CDH17: variants seen among roughly 807,000 people sequenced by gnomAD.
CDH17 encodes the protein cadherin 17, also known as cadherin-17.
Under a neutral mutation model 86.3 loss-of-function variants are expected in CDH17, and 67 were observed. The observed-to-expected ratio is 0.78, with a 90% CI of 0.64 to 0.95. The LOEUF is 0.95. CDH17 is among the 40% of genes least tolerant of loss of function. The pLI is 0.00. For missense variants in CDH17, 993 were observed against 1,017.6 expected, an observed-to-expected ratio of 0.98 and a Z score of 0.33; for synonymous variants, 367 against 366.4, an observed-to-expected ratio of 1.00 and a Z score of -0.02.
chr8:94,143,678 C>T (rs995213086), intron 15 of CDH17, among the ~76,000 whole-genome samples: 2 of 152,206 alleles, frequency 1.3e-5, no homozygotes, highest in East Asian at 1.9e-4. Context: ...CAATTTGCTG[C>T]ATCACTTTGC....
intron 15 of CDH17, among the ~76,000 whole-genome samples, chr8:94,142,766 A>AT (rs530279186): frequency 2.1e-3 from 321 of 152,290 alleles, no homozygotes; most frequent in Middle Eastern, 0.021. Flanking sequence ...AACAAAACAC[A>AT]TTGTTCAGTT....
In CDH17 at chr8:94,194,874, T is replaced by C. The variant is rs1813752954; in HGVS notation, c.-20-169A>G. On this transcript the variant is annotated intron_variant, in intron 1 of 17. Transcript: ENST00000027335. ...GCAGCCCAGTCTTCCAGAAGCTTCA[T>C]GCACATCATCCATAGCAATATGCAA... Among the ~76,000 whole-genome samples, 6 of 152,360 alleles carry C rather than the reference T, an allele frequency of 3.9e-5. No individual in the cohort carries two copies. The South Asian group carries it at 1.2e-3, about 32-fold the overall frequency.
At chr8:94,168,127 T>TACAC (rs1813196667) in intron 9 of CDH17, among the ~76,000 whole-genome samples, 3 of 95,022 alleles carry the variant, frequency 3.2e-5, no homozygotes, top group African/African-American at 1.3e-4. Flanking sequence ...TATATATATA[T>TACAC]ATATATATAT....
At chr8:94,197,848 A>AG (rs1416588682) in intron 1 of CDH17, among the ~76,000 whole-genome samples, 1 of 144,666 alleles carries the variant, frequency 6.9e-6, no homozygotes, top group Admixed American at 6.9e-5. Flanking sequence ...AAAAAAAAAA[A>AG]GAAAAAAAGA....
At chr8:94,213,368 G>A (rs1814150842), upstream of CDH17, among the ~76,000 whole-genome samples, 1 of 152,130 alleles carries the variant, frequency 6.6e-6, no homozygotes, top group Admixed American at 6.5e-5. Context: ...ATATTCTTCA[G>A]CAAAGCCTAT....
chr8:94,174,084 G>T lies in CDH17; in HGVS notation c.583+18C>A, dbSNP rs758704382. 2.5e-6 allele frequency: 4 copies of T among 1,612,810 alleles called. No individual in the cohort carries two copies. The highest frequency in any genetic ancestry group is 1.1e-5 in the South Asian group (1 of 91,028). ...TTTTCTGATCGAGACAGTCCTACCA[G>T]GGCACCCCTGAACTTACCCTCTCGG... is the stretch of plus-strand genomic sequence containing the variant. On this transcript the variant is annotated intron_variant, in intron 6 of 17. Coordinates refer to ENST00000027335, the MANE Select transcript of CDH17 (RefSeq NM_004063.4).
upstream of CDH17, among the ~76,000 whole-genome samples, chr8:94,212,478 T>C (rs1353151742): frequency 6.8e-6 from 1 of 147,844 alleles, no homozygotes; most frequent in East Asian, 1.9e-4. Context: ...GGTTTTTGTT[T>C]GGAGGCTTCT....
At position 94,128,289 on chromosome 8, in the gene CDH17, T is replaced by C. The variant is rs766854289; in HGVS notation, c.2450A>G (p.Asp817Gly). ...AGATGCTTGAGCACTTTCAACATTA[T>C]CTTTGCCTTTATCCTTCTTTATGCG... ...FIRIKKDKGK[D>G]NVESAQASEV... Residue 817 changes from aspartate (D) to glycine (G), a missense_variant, in exon 18 of 18, where the codon GAT becomes GGT. By Grantham distance (94) the Asp-to-Gly change is moderately conservative (BLOSUM62 -1). Coordinates refer to ENST00000027335, the MANE Select transcript of CDH17 (RefSeq NM_004063.4). The C allele has an allele frequency of 1.2e-6, 2 of 1,613,746 alleles. No individual in the cohort carries two copies. The highest frequency in any genetic ancestry group is 1.7e-6 in the Non-Finnish European group (2 of 1,179,836).
intron 3 of CDH17, among the ~76,000 whole-genome samples, chr8:94,188,890 G>C (rs1813631185): frequency 6.6e-6 from 1 of 152,124 alleles, no homozygotes; most frequent in Non-Finnish European, 1.5e-5. Context: ...CCTCTCCAGA[G>C]ACAGGTTCCC....
chr8:94,148,629 T>G, intron 14 of CDH17, 115 bp downstream of exon 14: 1 of 717,828 alleles, frequency 1.4e-6, no homozygotes, highest in Middle Eastern at 3.8e-4. Flanking sequence ...TTTAAGGTTG[T>G]GATATTCTGG....
Position 94,189,277 on chromosome 8 carries a change from T to A in CDH17, c.60A>T (p.Gly20=). 5 of 1,600,966 alleles carry A rather than the reference T, an allele frequency of 3.1e-6. No homozygotes were observed. Among genetic ancestry groups the A allele is most frequent in the Non-Finnish European group, 4.3e-6 (5 of 1,176,390 alleles). ...LCLLMLYLAT[G]YGQEGKFSGP... is the part of the protein sequence containing the mutation. ...CACTAAACTTCCCCTCTTGGCCATATCCAGTTGCCTGTTAAAAAAGAAAGA... is the reference window on the plus strand; with the variant it reads ...CACTAAACTTCCCCTCTTGGCCATAACCAGTTGCCTGTTAAAAAAGAAAGA... The change falls in exon 3 of 18, where the codon GGA becomes GGT. Residue 20 remains glycine, a synonymous_variant. Transcript: ENST00000027335.
chr8:94,206,637 A>C (rs914372182), intron 1 of CDH17, among the ~76,000 whole-genome samples: 2 of 100,534 alleles, frequency 2.0e-5, no homozygotes, highest in Non-Finnish European at 3.8e-5. Context: ...CACATCATCC[A>C]GATTTTTTTT....
intron 15 of CDH17, among the ~76,000 whole-genome samples, chr8:94,131,657 G>A (rs533609133): frequency 6.6e-6 from 1 of 151,744 alleles, no homozygotes; most frequent in South Asian, 2.1e-4. Flanking sequence ...TTTTATCATG[G>A]GTCATCTTTT....
intron 3 of CDH17, 119 bp from the exon 4 acceptor site, chr8:94,177,840 C>A: frequency 1.1e-6 from 1 of 929,276 alleles, no homozygotes; most frequent in South Asian, 1.7e-5. Context: ...ATAAGAAATC[C>A]TCAACTTTTA....
chr8:94,139,347 A>C (rs1812591845), intron 15 of CDH17, among the ~76,000 whole-genome samples: 1 of 152,190 alleles, frequency 6.6e-6, no homozygotes, highest in Non-Finnish European at 1.5e-5. Context: ...GGCCTAATAC[A>C]TGTGTAATCG....
rs1270956052 is a variant in CDH17, at chr8:94,151,923, T to C, written c.1741A>G (p.Ile581Val). The C allele has an allele frequency of 6.2e-7, 1 of 1,614,214 alleles. No homozygotes were observed. The highest frequency in any genetic ancestry group is 8.5e-7 in the Non-Finnish European group (1 of 1,180,024). ...FQAKVSEDVA[I>V]GTKVGNVTAK... ...GTCACATTGCCCACTTTAGTGCCTA[T>C]AGCTACATCCTCACTGACTTTCGCT... The change falls in exon 13 of 18, where the codon ATA becomes GTA. Residue 581 changes from isoleucine (I) to valine (V), a missense_variant. By Grantham distance (29) the Ile-to-Val change is conservative. Coordinates refer to ENST00000027335, the MANE Select transcript of CDH17 (RefSeq NM_004063.4).
At chr8:94,212,037 A>G (rs560291701), upstream of CDH17, among the ~76,000 whole-genome samples, 6 of 152,216 alleles carry the variant, frequency 3.9e-5, no homozygotes, top group Non-Finnish European at 8.8e-5. Context: ...AGTGAAACTA[A>G]TTTTCTGCTA....
At chr8:94,174,369 G>T (rs920219216) in intron 5 of CDH17, 109 bp from the exon 6 acceptor site, 3 of 1,075,918 alleles carry the variant, frequency 2.8e-6, no homozygotes, top group Non-Finnish European at 2.7e-6. Context: ...ATAGGGAAAG[G>T]TATGACAATT....
intron 15 of CDH17, among the ~76,000 whole-genome samples, chr8:94,132,799 G>A (rs970990275): frequency 8.5e-5 from 13 of 152,130 alleles, no homozygotes; most frequent in Admixed American, 6.6e-4. Flanking sequence ...TATGGTTTTA[G>A]GTCTAACATT....
Sources: allele counts gnomAD v4.1 joint callset (sites outside exome capture counted in the v4.1 genomes callset), GRCh38; gene constraint gnomAD v4.1.1; transcripts MANE v1.5; gene names NCBI Gene and HGNC (gene_info 2026-07-23, HGNC 2026-07-21).